Variants in ADAM12 observed in about 807,000 individuals in gnomAD.
The protein encoded by ADAM12 is ADAM metallopeptidase domain 12.
ADAM12 carries 70 observed loss-of-function variants against 106.4 expected under a neutral mutation model. That is an observed-to-expected ratio of 0.66 (90% confidence interval 0.54 to 0.80). ADAM12 has a LOEUF of 0.80. ADAM12 is among the 30% of genes least tolerant of loss of function. The probability of loss-of-function intolerance (pLI) is 0.00; values close to 1 mark genes in which losing one functional copy is unlikely to be tolerated. For synonymous variants in ADAM12, 420 were observed against 433.5 expected, an observed-to-expected ratio of 0.97 and a Z score of 0.39; for missense variants, 1,010 against 1,171.9, an observed-to-expected ratio of 0.86 and a Z score of 2.02.
At chr10:126,147,478 C>T (rs1000051293) in intron 4 of ADAM12, among the ~76,000 whole-genome samples, 2 of 152,210 alleles carry the variant, frequency 1.3e-5, no homozygotes, top group African/African-American at 4.8e-5. Flanking sequence ...TAATGTTCCC[C>T]TATCACAACC....
chr10:126,307,152 G>C (rs1960881823), intron 2 of ADAM12, among the ~76,000 whole-genome samples: 1 of 152,080 alleles, frequency 6.6e-6, no homozygotes, highest in African/African-American at 2.4e-5. Flanking sequence ...TTTAGATATT[G>C]ATCATATTAT....
chr10:126,223,981 G>A (rs568616288), intron 3 of ADAM12, among the ~76,000 whole-genome samples: 17 of 152,178 alleles, frequency 1.1e-4, no homozygotes, highest in African/African-American at 3.4e-4. Context: ...AGGATAGTAC[G>A]GCCCATAAAA....
intron 3 of ADAM12, among the ~76,000 whole-genome samples, chr10:126,261,086 T>C (rs1357051605): frequency 6.6e-6 from 1 of 152,184 alleles, no homozygotes; most frequent in Non-Finnish European, 1.5e-5. Context: ...ATTTAAAGTA[T>C]ACAGGAGGAT....
intron 2 of ADAM12, among the ~76,000 whole-genome samples, chr10:126,326,896 C>G (rs1854322779): frequency 6.6e-6 from 1 of 152,214 alleles, no homozygotes; most frequent in African/African-American, 2.4e-5. Flanking sequence ...CCTGACCACC[C>G]TCAGGGCAGA....
chr10:126,035,212 A>C (rs1954037309), intron 21 of ADAM12, among the ~76,000 whole-genome samples: 1 of 152,158 alleles, frequency 6.6e-6, no homozygotes, highest in African/African-American at 2.4e-5. Context: ...GTTCTGAAAA[A>C]ATATTTTTAT....
chr10:126,301,386 T>C (rs576398787), intron 2 of ADAM12, among the ~76,000 whole-genome samples: 2 of 152,324 alleles, frequency 1.3e-5, no homozygotes, highest in Admixed American at 6.5e-5. Context: ...CTTGCCAAAA[T>C]GTAATTACAT....
At chr10:126,300,085 CCTT>C (rs1590750836) in intron 2 of ADAM12, among the ~76,000 whole-genome samples, 1 of 152,144 alleles carries the variant, frequency 6.6e-6, no homozygotes, top group East Asian at 1.9e-4. Context: ...GATCGTGTGA[CCTT>C]CTATTTCTTA....
intron 3 of ADAM12, among the ~76,000 whole-genome samples, chr10:126,207,160 T>C (rs570242075): frequency 1.3e-5 from 2 of 152,214 alleles, no homozygotes; most frequent in Admixed American, 6.5e-5. Flanking sequence ...AAAGCAAGGA[T>C]AAAGAACATA....
chr10:126,174,600 T>C (rs965825569), intron 3 of ADAM12, among the ~76,000 whole-genome samples: 1 of 152,154 alleles, frequency 6.6e-6, no homozygotes, highest in Non-Finnish European at 1.5e-5. Flanking sequence ...CTATTCAGGG[T>C]GGTGCCACCA....
intron 3 of ADAM12, among the ~76,000 whole-genome samples, chr10:126,163,373 C>A (rs936960719): frequency 6.6e-6 from 1 of 152,082 alleles, no homozygotes; most frequent in African/African-American, 2.4e-5. Flanking sequence ...CCTTTTTGGC[C>A]GAGTACTGTA....
At chr10:126,343,183 C>T (rs1854998942) in intron 1 of ADAM12, among the ~76,000 whole-genome samples, 1 of 143,758 alleles carries the variant, frequency 7.0e-6, no homozygotes, top group African/African-American at 2.6e-5. Context: ...CCCCCCTCCC[C>T]CCATCCCACG....
chr10:126,364,792 A>C (rs539573783), intron 1 of ADAM12, among the ~76,000 whole-genome samples: 2 of 152,296 alleles, frequency 1.3e-5, no homozygotes, highest in South Asian at 4.1e-4. Flanking sequence ...ATTAAACTGC[A>C]TTATTAAGAA....
intron 3 of ADAM12, among the ~76,000 whole-genome samples, chr10:126,195,362 A>G (rs1957577832): frequency 6.6e-6 from 1 of 152,094 alleles, no homozygotes; most frequent in Admixed American, 6.6e-5. Flanking sequence ...ATCACCTCAG[A>G]TCAGGGGTTC....
At chr10:126,036,013 C>T (rs1315974929) in intron 21 of ADAM12, 133 bp downstream of exon 21, 7 of 739,568 alleles carry the variant, frequency 9.5e-6, no homozygotes, top group African/African-American at 9.2e-5. Context: ...CTCATTTAAC[C>T]ATCTGAGTAG....
At chr10:126,318,633 A>G (rs1700970245) in intron 2 of ADAM12, among the ~76,000 whole-genome samples, 1 of 152,164 alleles carries the variant, frequency 6.6e-6, no homozygotes, top group African/African-American at 2.4e-5. Context: ...TGTATGTCAA[A>G]GAGACACAGG....
chr10:126,287,439 C>G (rs1336999755), intron 2 of ADAM12, among the ~76,000 whole-genome samples: 1 of 152,156 alleles, frequency 6.6e-6, no homozygotes, highest in Admixed American at 6.5e-5. Flanking sequence ...CCCTCCATCA[C>G]CCCTGATCCA....
Position 126,265,008 on chromosome 10 carries a change from G to T in ADAM12, c.260+13907C>A, listed in dbSNP as rs552976476. Among the ~76,000 whole-genome samples, 384 of 152,286 alleles carry T rather than the reference G, an allele frequency of 2.5e-3. 2 individuals are homozygous for T. The highest frequency in any genetic ancestry group is 8.9e-3 in the African/African-American group (370 of 41,548). ...AAAGATTTGTGTAATATCTATATGG[G>T]TAATTTATGGTTCAATGTGAAAATA... On this transcript the variant is annotated intron_variant, in intron 3 of 22. Transcript: ENST00000448723.
In ADAM12 at chr10:126,311,094, TACACACACACACACACACACAC is replaced by T. The variant is rs67514376; in HGVS notation, c.186+19296_186+19317del. ...CTTCCTCATTATACATACACACAAA[TACACACACACACACACACACAC>T]ACACACACACACACACACACACCTG... On this transcript the variant is annotated intron_variant, in intron 2 of 22. Transcript: ENST00000448723. Among the ~76,000 whole-genome samples the T allele has an allele frequency of 3.0e-4, 41 of 138,570 alleles. 1 individual carries two copies. The highest frequency in any genetic ancestry group is 9.9e-4 in the African/African-American group (37 of 37,518). The allele number at this position is 138,570 out of a possible 152,430, so 90.9% of individuals were successfully genotyped here. A position where few individuals can be genotyped will look rare whatever the true frequency, so the allele number is the denominator to read the frequency against.
chr10:126,302,850 A>G (rs1752842937), intron 2 of ADAM12, among the ~76,000 whole-genome samples: 1 of 152,242 alleles, frequency 6.6e-6, no homozygotes, highest in Admixed American at 6.5e-5. Flanking sequence ...TTTGAGGCAT[A>G]ATGCAGTAAA....
Sources: gnomAD v4.1 joint callset for allele counts (sites outside exome capture counted in the v4.1 genomes callset) on GRCh38, gnomAD v4.1.1 for gene constraint, MANE v1.5 for transcripts, NCBI Gene and HGNC (gene_info 2026-07-23, HGNC 2026-07-21) for gene names.